Variants in SH3GL3 observed in about 807,000 individuals in gnomAD.
The protein encoded by SH3GL3 is SH3 domain containing GRB2 like 3, endophilin A3.
A neutral mutation model predicts 47.7 loss-of-function variants in SH3GL3; 33 were observed. The ratio of observed to expected loss-of-function variants is 0.69; its 90% CI spans 0.52 to 0.92. The LOEUF (loss-of-function observed/expected upper bound fraction) is 0.92, where lower values mean the gene tolerates loss of function less well. Among genes scored for constraint, SH3GL3 ranks in the 40% least tolerant of loss-of-function variants. The pLI, the probability that SH3GL3 is intolerant of heterozygous loss-of-function variation, is 0.00. For synonymous variants in SH3GL3, 155 were observed against 148.8 expected (o/e 1.04, Z -0.30); for missense variants, 363 against 417.8 (o/e 0.87, Z 1.14).
intron 1 of SH3GL3, among the ~76,000 whole-genome samples, chr15:83,502,948 C>T (rs1283257031): frequency 1.3e-5 from 2 of 152,112 alleles, no homozygotes; most frequent in African/African-American, 4.8e-5. Context: ...TTGAAAGAAC[C>T]TAACTTCTAT....
At chr15:83,579,890 C>T (rs1025451855) in intron 6 of SH3GL3, among the ~76,000 whole-genome samples, 9 of 152,220 alleles carry the variant, frequency 5.9e-5, no homozygotes, top group African/African-American at 1.9e-4. Flanking sequence ...TGACCATCCT[C>T]TCCTGTTGAC....
chr15:83,497,148 A>G lies in SH3GL3; in HGVS notation c.45+49570A>G, dbSNP rs1373403055. ...ATATTTATGGCTTCAGCTTCAAGAT[A>G]AGTCACTAATCCTTTATTATGTTCT... On this transcript the variant is annotated intron_variant, in intron 1 of 8. Transcript: ENST00000427482. 2.6e-5 allele frequency among the ~76,000 whole-genome samples: 4 copies of G among 152,300 alleles called. No individual in the cohort carries two copies. The East Asian group carries it at 5.8e-4, about 22-fold the overall frequency.
intron 1 of SH3GL3, among the ~76,000 whole-genome samples, chr15:83,480,436 G>T (rs1459298264): frequency 1.3e-5 from 2 of 152,178 alleles, no homozygotes; most frequent in East Asian, 3.8e-4. Flanking sequence ...GAAAACTGAG[G>T]CATGCAGACA....
chr15:83,459,162 C>T (rs910941872), intron 1 of SH3GL3, among the ~76,000 whole-genome samples: 1 of 152,224 alleles, frequency 6.6e-6, no homozygotes, highest in Non-Finnish European at 1.5e-5. Flanking sequence ...CCAGGAGACT[C>T]GGCCAGTCTA....
At chr15:83,551,495 C>T (rs2044667511) in intron 1 of SH3GL3, among the ~76,000 whole-genome samples, 2 of 152,102 alleles carry the variant, frequency 1.3e-5, no homozygotes, top group South Asian at 4.1e-4. Flanking sequence ...TGGCATTTTT[C>T]CCCACTCCAC....
rs1425114753 is a variant in SH3GL3 at position 83,562,079 on chromosome 15, A to ACACT, written c.114+2759_114+2762dup. Among the ~76,000 whole-genome samples, 11 of 128,172 alleles carry ACACT rather than the reference A, an allele frequency of 8.6e-5. No individual in the cohort carries two copies. In the South Asian group the frequency reaches 1.9e-3, roughly 22 times the overall value. 84.1% of individuals were successfully genotyped at this position (128,172 alleles called of 152,430 possible). ...CACACACACACACACACACACACAC[A>ACACT]CACTATAGTGTCCCTAGTTATTCTA... On this transcript the variant is annotated intron_variant, in intron 2 of 8. Coordinates refer to ENST00000427482, the MANE Select transcript of SH3GL3 (RefSeq NM_003027.5).
intron 1 of SH3GL3, among the ~76,000 whole-genome samples, chr15:83,460,183 C>G (rs568738019): frequency 3.1e-4 from 47 of 150,460 alleles, no homozygotes; most frequent in African/African-American, 1.1e-3. Flanking sequence ...TCACTGCAGC[C>G]TTGACCTCCT....
In SH3GL3 at chr15:83,447,493, C is replaced by A; in HGVS notation, c.-41C>A. On this transcript the variant is annotated 5_prime_UTR_variant, in exon 1 of 9. Transcript: ENST00000427482. This position sits in a 1 kb window ranked among gnomAD's most constrained non-coding sequence, Gnocchi z 5.1. ...GCGCGTCGCGGCCGCGTGGCCCAGC[C>A]GAGCCTTGAGACCACCCCGCCCCTG... is the stretch of plus-strand genomic sequence containing the variant. 2.0e-6 allele frequency: 3 copies of A among 1,476,560 alleles called. No individual in the cohort carries two copies. Among genetic ancestry groups the A allele is most frequent in the Non-Finnish European group, 2.7e-6 (3 of 1,109,658 alleles). The allele number at this position is 1,476,560 out of a possible 1,614,324, so 91.5% of individuals were successfully genotyped here.
At position 83,588,746 on chromosome 15, in the gene SH3GL3, C is replaced by T. The variant is rs1334035934; in HGVS notation, c.813C>T (p.Ser271=). Residue 271 remains serine, a synonymous_variant, in exon 8 of 9, where the codon TCC becomes TCT. Coordinates refer to ENST00000427482, the MANE Select transcript of SH3GL3 (RefSeq NM_003027.5). ...KRSSSELNGV[S]TTSVVKTTGS... ...GTTCTAGTGAGCTCAATGGAGTTTC[C>T]ACCACCTCTGTAGTGAAGACGACAG... 6.2e-6 allele frequency: 10 copies of T among 1,605,806 alleles called. No homozygotes were observed. The highest frequency in any genetic ancestry group is 8.5e-6 in the Non-Finnish European group (10 of 1,172,460).
intron 8 of SH3GL3, among the ~76,000 whole-genome samples, chr15:83,604,555 A>G (rs2060467755): frequency 2.0e-5 from 3 of 152,214 alleles, no homozygotes; most frequent in Admixed American, 1.3e-4. Context: ...CTTTGTAGAC[A>G]TAGACATAAC....
At chr15:83,489,231 C>T (rs1461142896) in intron 1 of SH3GL3, 1 of 152,180 alleles carries the variant, frequency 6.6e-6, no homozygotes, top group East Asian at 1.9e-4. Flanking sequence ...GAATCATGCT[C>T]ATTGATCTGC....
intron 1 of SH3GL3, among the ~76,000 whole-genome samples, chr15:83,469,030 T>C (rs1240655797): frequency 6.6e-6 from 1 of 152,126 alleles, no homozygotes; most frequent in Non-Finnish European, 1.5e-5. Context: ...TTATTCAAAT[T>C]ATCTGTTTTT....
At position 83,576,643 on chromosome 15, in the gene SH3GL3, G is replaced by A. The variant is rs987379363; in HGVS notation, c.526G>A (p.Gly176Ser). ...TTACGATTATAAAAAGAAACGAGTA[G>A]GTAAGATACCAGACGAAGAAGTCAG... ...LDYDYKKKRV[G>S]KIPDEEVRQA... The change falls in exon 6 of 9, where the codon GGT becomes AGT. Residue 176 changes from glycine (G) to serine (S), a missense_variant. Transcript: ENST00000427482. The A allele has an allele frequency of 5.0e-6, 8 of 1,613,324 alleles. No individual in the cohort carries two copies. In the African/African-American group the frequency reaches 9.4e-5, roughly 19 times the overall value.
intron 1 of SH3GL3, among the ~76,000 whole-genome samples, chr15:83,514,569 A>G (rs539119879): frequency 3.3e-5 from 5 of 152,218 alleles, no homozygotes; most frequent in Non-Finnish European, 7.3e-5. Context: ...TAAACCAGAC[A>G]TTATTTCAAA....
the SH3GL3 span, among the ~76,000 whole-genome samples, chr15:83,626,051 T>G: frequency 6.6e-6 from 1 of 152,208 alleles, no homozygotes; most frequent in African/African-American, 2.4e-5. Context: ...AGGCTGGTTT[T>G]GAACTCCTGA....
chr15:83,565,080 T>G (rs2045469126), intron 2 of SH3GL3, 54 bp from the exon 3 acceptor site: 3 of 744,848 alleles, frequency 4.0e-6, no homozygotes, highest in Non-Finnish European at 6.8e-6. Flanking sequence ...TTTGCTCTTT[T>G]GTGATTTTAT....
intron 1 of SH3GL3, among the ~76,000 whole-genome samples, chr15:83,458,023 AGT>A (rs1489814827): frequency 2.0e-5 from 3 of 152,168 alleles, no homozygotes; most frequent in Non-Finnish European, 4.4e-5. Context: ...CCCAAAGTTA[AGT>A]GTGTGTGTGG....
At chr15:83,576,441 G>T (rs2059681554) in intron 5 of SH3GL3, 142 bp from the exon 6 acceptor site, 2 of 610,454 alleles carry the variant, frequency 3.3e-6, no homozygotes, top group African/African-American at 3.7e-5. Flanking sequence ...GTGCTGAGGT[G>T]CTCCCAACAG....
chr15:83,462,802 A>AGCCT (rs1453320557), intron 1 of SH3GL3, among the ~76,000 whole-genome samples: 4 of 152,366 alleles, frequency 2.6e-5, no homozygotes, highest in African/African-American at 9.6e-5. Context: ...AGACAAACAA[A>AGCCT]GCCTGAGAGC....
Sources: allele counts gnomAD v4.1 joint callset (sites outside exome capture counted in the v4.1 genomes callset), GRCh38; gene constraint gnomAD v4.1.1; non-coding constraint Gnocchi (gnomAD v3.1); transcripts MANE v1.5; gene names NCBI Gene and HGNC (gene_info 2026-07-23, HGNC 2026-07-21).